The following WDFY4 variants were observed in gnomAD, a reference collection of about 807,000 sequenced individuals.
WDFY4 encodes WDFY family member 4.
In WDFY4, 169 loss-of-function variants were observed where a neutral mutation model predicts 351.9. The observed-to-expected ratio is 0.48, with a 90% CI of 0.42 to 0.55. The LOEUF (loss-of-function observed/expected upper bound fraction) is 0.55. Among genes scored for constraint, WDFY4 ranks in the 20% least tolerant of loss-of-function variants. The probability of loss-of-function intolerance (pLI) is 0.00; values close to 1 mark genes in which losing one functional copy is unlikely to be tolerated. For synonymous variants in WDFY4, 1,622 were observed against 1,574.6 expected (o/e 1.03, Z -0.71); for missense variants, 3,803 against 3,935.6 (o/e 0.97, Z 0.90).
intron 25 of WDFY4, 31 bp from the exon 26 acceptor site, chr10:48,805,229 G>T (rs1328393976): frequency 2.6e-6 from 4 of 1,526,266 alleles, no homozygotes; most frequent in Admixed American, 2.0e-5. Flanking sequence ...TCCAGTAAAA[G>T]CTTTTACTGT....
intron 13 of WDFY4, among the ~76,000 whole-genome samples, chr10:48,766,488 A>C (rs2065675614): frequency 6.6e-6 from 1 of 152,150 alleles, no homozygotes; most frequent in Non-Finnish European, 1.5e-5. Flanking sequence ...TACTTGGAAG[A>C]GTGAAACAGG....
chr10:48,947,464 C>T (rs149726039), intron 51 of WDFY4, among the ~76,000 whole-genome samples: 18 of 152,318 alleles, frequency 1.2e-4, no homozygotes, highest in Admixed American at 5.9e-4. Flanking sequence ...TACCAGCTTA[C>T]GGTCGCCAGG....
At chr10:48,738,221 A>G (rs17698900) in intron 11 of WDFY4, among the ~76,000 whole-genome samples, 14,069 of 152,252 alleles carry the variant, frequency 0.092, 759 homozygotes, top group Middle Eastern at 0.17. Flanking sequence ...TTTGTGTCCA[A>G]TGTAGAAAAG....
At chr10:48,729,737 C>G in intron 8 of WDFY4, 148 bp downstream of exon 8, 1 of 1,085,242 alleles carries the variant, frequency 9.2e-7, no homozygotes, top group Non-Finnish European at 1.3e-6. Flanking sequence ...TTATGAATAT[C>G]TCCCATGGGA....
At chr10:48,962,308 A>G (rs1040555032) in intron 53 of WDFY4, among the ~76,000 whole-genome samples, 1 of 152,202 alleles carries the variant, frequency 6.6e-6, no homozygotes, top group African/African-American at 2.4e-5. Flanking sequence ...CACTTTAATC[A>G]TAGACCTCAG....
At chr10:48,791,171 CTAA>C (rs1233693684) in intron 23 of WDFY4, among the ~76,000 whole-genome samples, 1 of 152,240 alleles carries the variant, frequency 6.6e-6, no homozygotes, top group Non-Finnish European at 1.5e-5. Flanking sequence ...CTGACAAATT[CTAA>C]TGTCATTTGT....
At chr10:48,831,106 A>C (rs1201042709) in intron 38 of WDFY4, among the ~76,000 whole-genome samples, 2 of 152,184 alleles carry the variant, frequency 1.3e-5, no homozygotes, top group Non-Finnish European at 2.9e-5. Flanking sequence ...GGAGCCAACC[A>C]AGCAGGAAGA....
intron 52 of WDFY4, among the ~76,000 whole-genome samples, chr10:48,957,500 C>T (rs984999083): frequency 1.6e-4 from 25 of 152,322 alleles, no homozygotes; most frequent in African/African-American, 5.8e-4. Flanking sequence ...GAGCCACCAC[C>T]CGACCTGCGA....
chr10:48,774,644 TC>T lies in WDFY4; in HGVS notation c.2743del (p.Gln915ArgfsTer8). 1 of 1,551,720 alleles carries T rather than the reference TC, an allele frequency of 6.4e-7. No homozygotes were observed. On this transcript the variant is annotated frameshift_variant, in exon 14 of 62. Transcript: ENST00000325239. LOFTEE classifies it high-confidence loss of function. ...CATCAGGATCTTTGAGAAGCTCGCT[TC>T]CCAGGCCATTGAACCGGATGTGCTA... The part of the protein sequence containing the change: ...RLIRIFEKLA[S>X]QAIEPDVLRQ...
chr10:48,804,878 A>T, intron 25 of WDFY4: 8 of 722,496 alleles, frequency 1.1e-5, no homozygotes, highest in Non-Finnish European at 1.4e-5. Flanking sequence ...ACACAACCAG[A>T]CAAGCTAGTG....
intron 47 of WDFY4, among the ~76,000 whole-genome samples, chr10:48,906,843 A>C (rs1357018677): frequency 1.3e-5 from 2 of 152,154 alleles, no homozygotes; most frequent in African/African-American, 4.8e-5. Context: ...GGAGTGAGTT[A>C]CTCTAATTGT....
intron 4 of WDFY4, 90 bp from the exon 5 acceptor site, chr10:48,723,343 T>C (rs921425121): frequency 2.0e-6 from 3 of 1,472,934 alleles, no homozygotes; most frequent in Admixed American, 4.7e-5. Context: ...ATGGCCTCAC[T>C]GAAATGGCTG....
At chr10:48,966,465 A>C in intron 54 of WDFY4, 61 bp from the exon 55 acceptor site, 1 of 1,508,380 alleles carries the variant, frequency 6.6e-7, no homozygotes, top group East Asian at 2.5e-5. Context: ...CAGTGTGCAC[A>C]GGGACGACCC....
chr10:48,826,788 G>T lies in WDFY4; in HGVS notation c.6100G>T (p.Gly2034Cys). ...CCAGCAGTCCCTCTCCGAATGCCTCGGCCTTCTCAGCATCCTGGGCTTTCT... is the reference window on the plus strand; with the variant it reads ...CCAGCAGTCCCTCTCCGAATGCCTCTGCCTTCTCAGCATCCTGGGCTTTCT... ...KPQQSLSECL[G>C]LLSILGFLQE... Residue 2034 changes from glycine to cysteine, a missense_variant, in exon 36 of 62, where the codon GGC (glycine) becomes TGC (cysteine). Physicochemically the swap from Gly to Cys is radical, Grantham distance 159 (BLOSUM62 -3). Transcript: ENST00000325239. 6.4e-7 allele frequency: 1 copy of T among 1,551,602 alleles called. No homozygotes were observed. Among genetic ancestry groups the T allele is most frequent in the Non-Finnish European group, 8.7e-7 (1 of 1,146,980 alleles).
intron 35 of WDFY4, chr10:48,823,299 G>T: frequency 7.8e-7 from 1 of 1,286,252 alleles, no homozygotes. Context: ...CCAGGGGGAT[G>T]TCTGTGATTC....
At chr10:48,729,190 T>G (rs1306994702) in intron 7 of WDFY4, among the ~76,000 whole-genome samples, 1 of 152,262 alleles carries the variant, frequency 6.6e-6, no homozygotes, top group Non-Finnish European at 1.5e-5. Context: ...AGTGACTTCC[T>G]GTGAGCAGAT....
At chr10:48,709,559 T>G (rs2063715463) in intron 1 of WDFY4, 157 bp from the exon 2 acceptor site, 2 of 654,982 alleles carry the variant, frequency 3.1e-6, no homozygotes. Flanking sequence ...CTGAATCCCC[T>G]TTTTAAAAAG....
At position 48,912,562 on chromosome 10, in the gene WDFY4, C is replaced by T. The variant is rs534494197; in HGVS notation, c.7586+10699C>T. Among the ~76,000 whole-genome samples the T allele has an allele frequency of 5.3e-4, 80 of 152,356 alleles. 2 individuals carry two copies. In the South Asian group the frequency reaches 6.2e-3, roughly 12 times the overall value. ...CCCCATCTCATTTCAGTTGCTCTCTCCTCCAGCTTGCACCAGGCAAGCCAA... is the reference window on the plus strand; with the variant it reads ...CCCCATCTCATTTCAGTTGCTCTCTTCTCCAGCTTGCACCAGGCAAGCCAA... On this transcript the variant is annotated intron_variant, in intron 47 of 61. Coordinates refer to ENST00000325239, the MANE Select transcript of WDFY4 (RefSeq NM_001394531.1).
chr10:48,794,117 G>A (rs988365841), intron 23 of WDFY4, among the ~76,000 whole-genome samples: 15 of 152,104 alleles, frequency 9.9e-5, no homozygotes, highest in Admixed American at 8.5e-4. Flanking sequence ...TTACCACTGT[G>A]GGGAACGTAG....
Sources: allele counts gnomAD v4.1 joint callset (sites outside exome capture counted in the v4.1 genomes callset), GRCh38; gene constraint gnomAD v4.1.1; transcripts MANE v1.5; gene names NCBI Gene and HGNC (gene_info 2026-07-23, HGNC 2026-07-21).